The following TSC22D3 variants were observed in gnomAD, a reference collection of about 807,000 sequenced individuals.
TSC22D3 encodes the protein TSC22 domain family member 3, also known as TSC22 domain family protein 3.
In TSC22D3, 4 loss-of-function variants were observed where a neutral mutation model predicts 11.1. The ratio of observed to expected loss-of-function variants is 0.36; its 90% confidence interval spans 0.18 to 0.83. The LOEUF is 0.83. Among genes scored for constraint, TSC22D3 ranks in the 40% least tolerant of loss-of-function variants. The pLI is 0.48. For missense variants in TSC22D3, 118 were observed against 159.4 expected, an observed-to-expected ratio of 0.74 and a Z score of 1.40; for synonymous variants, 77 against 70.3, an observed-to-expected ratio of 1.10 and a Z score of -0.48.
intron 1 of TSC22D3, among the ~76,000 whole-genome samples, chrX:107,754,937 G>T (rs1929106552): frequency 8.9e-6 from 1 of 111,887 alleles, no homozygotes; most frequent in South Asian, 3.7e-4. Flanking sequence ...GCCTAAATGG[G>T]TTAATTTTGC....
intron 1 of TSC22D3, among the ~76,000 whole-genome samples, chrX:107,753,917 C>CTT (rs34538477): frequency 1.1e-3 from 109 of 97,962 alleles, no homozygotes; most frequent in African/African-American, 3.6e-3. Context: ...TTCTTTCTTC[C>CTT]TTTTTTTTTT....
chrX:107,756,454 A>C (rs2147778057), intron 1 of TSC22D3, among the ~76,000 whole-genome samples: 1 of 112,465 alleles, frequency 8.9e-6, no homozygotes, highest in Admixed American at 9.4e-5. Context: ...CTTGCACACC[A>C]CCAGTGTATG....
chrX:107,721,671 G>T (rs917639208), intron 1 of TSC22D3, among the ~76,000 whole-genome samples: 2 of 112,175 alleles, frequency 1.8e-5, no homozygotes, highest in African/African-American at 6.5e-5. Context: ...AAGACATGAT[G>T]CGAGAGGTGC....
chrX:107,746,542 A>C (rs1202498371), intron 1 of TSC22D3, among the ~76,000 whole-genome samples: 1 of 109,334 alleles, frequency 9.1e-6, no homozygotes, highest in Non-Finnish European at 1.9e-5. Context: ...ACTCAGATAG[A>C]GTCACACACA....
At chrX:107,725,151 C>T (rs1027467725) in intron 1 of TSC22D3, among the ~76,000 whole-genome samples, 1 of 112,685 alleles carries the variant, frequency 8.9e-6, no homozygotes, top group Non-Finnish European at 1.9e-5. Flanking sequence ...GGAATGAGAA[C>T]GCCTTCTTTT....
intron 1 of TSC22D3, among the ~76,000 whole-genome samples, chrX:107,727,500 A>T (rs1927697947): frequency 9.5e-6 from 1 of 104,909 alleles, no homozygotes; most frequent in Non-Finnish European, 2.0e-5. Flanking sequence ...CATTTTATTT[A>T]TTTTTTTTTT....
chrX:107,722,213 G>A (rs1329296698), intron 1 of TSC22D3: 4 of 200,928 alleles, frequency 2.0e-5, no homozygotes, highest in Non-Finnish European at 3.6e-5. Flanking sequence ...GTGGGAGGGA[G>A]CCCAAGGAGA....
intron 1 of TSC22D3, among the ~76,000 whole-genome samples, chrX:107,749,585 T>C (rs906357004): frequency 9.0e-6 from 1 of 111,284 alleles, no homozygotes; most frequent in Non-Finnish European, 1.9e-5. Flanking sequence ...GCCACCATGC[T>C]TGGCAGATTT....
intron 1 of TSC22D3, among the ~76,000 whole-genome samples, chrX:107,773,377 T>C (rs1056126656): frequency 1.8e-5 from 2 of 111,499 alleles, no homozygotes; most frequent in African/African-American, 6.5e-5. Context: ...GTTGAACAAA[T>C]GCAAATGCTA....
chrX:107,754,824 A>T (rs1296457723), intron 1 of TSC22D3, among the ~76,000 whole-genome samples: 1 of 112,351 alleles, frequency 8.9e-6, no homozygotes, highest in Non-Finnish European at 1.9e-5. Context: ...TATGACAGAG[A>T]TTGCAAATTT....
chrX:107,774,204 T>C (rs1207548000), intron 1 of TSC22D3, among the ~76,000 whole-genome samples: 1 of 111,663 alleles, frequency 9.0e-6, no homozygotes, highest in Non-Finnish European at 1.9e-5. Context: ...CATGGCTGGG[T>C]TTCCTGATGT....
chrX:107,733,422 A>T (rs181634397), intron 1 of TSC22D3, among the ~76,000 whole-genome samples: 5 of 112,037 alleles, frequency 4.5e-5, no homozygotes, highest in African/African-American at 1.6e-4. Flanking sequence ...TCACAAAAAA[A>T]AATGCCAGTG....
chrX:107,727,410 C>T (rs1355488354), intron 1 of TSC22D3, among the ~76,000 whole-genome samples: 2 of 112,369 alleles, frequency 1.8e-5, no homozygotes, highest in Admixed American at 9.4e-5. Context: ...CTGCTAGATC[C>T]GCATCCCTGA....
At chrX:107,722,695 C>T (rs1410925791) in intron 1 of TSC22D3, among the ~76,000 whole-genome samples, 2 of 111,086 alleles carry the variant, frequency 1.8e-5, no homozygotes, top group East Asian at 2.8e-4. Context: ...TTTTCCAAGC[C>T]CTCCTCTTAT....
intron 1 of TSC22D3, among the ~76,000 whole-genome samples, chrX:107,738,132 C>T (rs1295398426): frequency 8.9e-6 from 1 of 112,354 alleles, no homozygotes; most frequent in Non-Finnish European, 1.9e-5. Flanking sequence ...GGGATCACTG[C>T]CTGTTGGCCT....
chrX:107,727,053 C>T (rs1474774087), intron 1 of TSC22D3, among the ~76,000 whole-genome samples: 1 of 111,588 alleles, frequency 9.0e-6, no homozygotes, highest in Non-Finnish European at 1.9e-5. Context: ...ACAGATACTC[C>T]TTGGACATCT....
At chrX:107,743,831 G>A (rs944950881) in intron 1 of TSC22D3, among the ~76,000 whole-genome samples, 3 of 111,778 alleles carry the variant, frequency 2.7e-5, no homozygotes, top group African/African-American at 9.8e-5. Context: ...GGTGAGGGGG[G>A]AATCAACAGG....
intron 1 of TSC22D3, among the ~76,000 whole-genome samples, chrX:107,736,503 C>T (rs1928141970): frequency 1.8e-5 from 2 of 111,575 alleles, no homozygotes; most frequent in South Asian, 7.5e-4. Context: ...TCTTAACAAG[C>T]CTGCTGGATT....
At chrX:107,770,168 T>A (rs10521516) in intron 1 of TSC22D3, among the ~76,000 whole-genome samples, 6,129 of 111,721 alleles carry the variant, frequency 0.055, 419 homozygotes, top group African/African-American at 0.19. Context: ...TGCGTTGCAA[T>A]CTCTAATACA....
Sources: gnomAD v4.1 joint callset for allele counts (sites outside exome capture counted in the v4.1 genomes callset) on GRCh38, gnomAD v4.1.1 for gene constraint, MANE v1.5 for transcripts, NCBI Gene and HGNC (gene_info 2026-07-23, HGNC 2026-07-21) for gene names.